The following GPM6A variants were observed in gnomAD, a reference collection of about 807,000 sequenced individuals.
The protein encoded by GPM6A is neuronal membrane glycoprotein M6-a.
A neutral mutation model predicts 32.1 loss-of-function variants in GPM6A; 7 were observed. The ratio of observed to expected loss-of-function variants is 0.22; its 90% CI spans 0.12 to 0.41. The LOEUF (loss-of-function observed/expected upper bound fraction) is 0.41. GPM6A is among the 10% of genes least tolerant of loss of function. The probability of loss-of-function intolerance (pLI) is 1.00; values close to 1 mark genes in which losing one functional copy is unlikely to be tolerated. For missense variants in GPM6A, 235 were observed against 347.2 expected (o/e 0.68, Z 2.57); for synonymous variants, 130 against 123.4 (o/e 1.05, Z -0.35).
chr4:175,810,884 G>C (rs1734891555), intron 1 of GPM6A, among the ~76,000 whole-genome samples: 3 of 151,948 alleles, frequency 2.0e-5, no homozygotes, highest in Non-Finnish European at 4.4e-5. Flanking sequence ...AGGGAGCTGA[G>C]GTTTTTTAAT....
chr4:175,998,020 T>G (rs1330087732), intron 1 of GPM6A, among the ~76,000 whole-genome samples: 1 of 152,180 alleles, frequency 6.6e-6, no homozygotes, highest in Non-Finnish European at 1.5e-5. Context: ...ATTTCATGGG[T>G]TTTCCTCTCA....
chr4:176,001,153 C>A (rs777558205), intron 1 of GPM6A, among the ~76,000 whole-genome samples: 1 of 152,184 alleles, frequency 6.6e-6, no homozygotes, highest in African/African-American at 2.4e-5. Flanking sequence ...ATCCCCTAAC[C>A]CTTGAGCCTG....
chr4:175,701,446 T>C, intron 2 of GPM6A, 129 bp downstream of exon 2: 3 of 674,536 alleles, frequency 4.4e-6, no homozygotes, highest in Non-Finnish European at 7.8e-6. Flanking sequence ...CCCTTTTGAA[T>C]CAGGTATACC....
chr4:175,999,517 G>T (rs1308381258), intron 1 of GPM6A, among the ~76,000 whole-genome samples: 2 of 147,612 alleles, frequency 1.4e-5, no homozygotes, highest in African/African-American at 2.5e-5. Flanking sequence ...TGCCTACTTT[G>T]CAAATAACTT....
intron 1 of GPM6A, among the ~76,000 whole-genome samples, chr4:175,966,142 T>A (rs1001089038): frequency 6.6e-6 from 1 of 152,070 alleles, no homozygotes; most frequent in African/African-American, 2.4e-5. Context: ...TGCAGTGGCT[T>A]ATGCCTGTAA....
intron 1 of GPM6A, among the ~76,000 whole-genome samples, chr4:175,995,898 C>T (rs930451163): frequency 6.8e-6 from 1 of 146,750 alleles, no homozygotes; most frequent in East Asian, 1.9e-4. Context: ...CTGGTTATGT[C>T]GTTCATACAG....
intron 1 of GPM6A, among the ~76,000 whole-genome samples, chr4:175,980,627 T>C (rs1740792209): frequency 6.6e-6 from 1 of 152,224 alleles, no homozygotes. Flanking sequence ...TATAATAATA[T>C]TTGTTTCCAA....
chr4:175,800,281 T>TAG (rs1319023806), intron 1 of GPM6A, among the ~76,000 whole-genome samples: 1 of 152,200 alleles, frequency 6.6e-6, no homozygotes, highest in Non-Finnish European at 1.5e-5. Context: ...CAAAATTATA[T>TAG]AGCATATACC....
chr4:175,896,078 A>G (rs2111483401), intron 1 of GPM6A, among the ~76,000 whole-genome samples: 1 of 152,320 alleles, frequency 6.6e-6, no homozygotes, highest in South Asian at 2.1e-4. Context: ...ACATATTATT[A>G]CTTTTGCAAA....
At chr4:175,879,386 T>C (rs1737194270) in intron 1 of GPM6A, among the ~76,000 whole-genome samples, 3 of 152,154 alleles carry the variant, frequency 2.0e-5, no homozygotes, top group South Asian at 4.1e-4. Context: ...GTGTAATTTA[T>C]AAATAACAGA....
chr4:175,659,498 T>C (rs1742277752), intron 3 of GPM6A, among the ~76,000 whole-genome samples: 1 of 152,214 alleles, frequency 6.6e-6, no homozygotes, highest in Non-Finnish European at 1.5e-5. Flanking sequence ...CAATGTCCTT[T>C]TTTAAAAATA....
chr4:175,946,058 T>C (rs1302174483), intron 1 of GPM6A, among the ~76,000 whole-genome samples: 1 of 152,120 alleles, frequency 6.6e-6, no homozygotes, highest in Non-Finnish European at 1.5e-5. Flanking sequence ...CTAGTTACAT[T>C]AGAAGCCCAG....
rs763936911 is a variant in GPM6A, at chr4:175,634,858, G to A, written c.*47C>T. On this transcript the variant is annotated 3_prime_UTR_variant, in exon 7 of 7. Transcript: ENST00000393658. ...AGGTTGGATGGTTGGATGGCCCTTA[G>A]TTAAACACCAATGCATTCAAATGGT... is the stretch of plus-strand genomic sequence containing the variant. 3 of 1,552,126 alleles carry A rather than the reference G, an allele frequency of 1.9e-6. No homozygotes were observed. The highest frequency in any genetic ancestry group is 2.2e-5 in the East Asian group (1 of 44,480).
intron 3 of GPM6A, among the ~76,000 whole-genome samples, chr4:175,671,474 AACG>A (rs1743056973): frequency 7.9e-6 from 1 of 126,948 alleles, no homozygotes; most frequent in African/African-American, 2.8e-5. Flanking sequence ...TCTGCCTACA[AACG>A]AAAAAAAAAA....
chr4:175,943,314 T>C (rs895381033), intron 1 of GPM6A, among the ~76,000 whole-genome samples: 1 of 152,228 alleles, frequency 6.6e-6, no homozygotes, highest in African/African-American at 2.4e-5. Context: ...TATGCAATCA[T>C]GTCATCTGCA....
intron 1 of GPM6A, among the ~76,000 whole-genome samples, chr4:175,934,855 A>G (rs986503986): frequency 1.3e-5 from 2 of 152,178 alleles, no homozygotes; most frequent in African/African-American, 4.8e-5. Context: ...TTGAAAGTGT[A>G]GCCCCATTTT....
intron 2 of GPM6A, among the ~76,000 whole-genome samples, chr4:175,687,526 T>C (rs1336392513): frequency 6.6e-6 from 1 of 151,984 alleles, no homozygotes; most frequent in African/African-American, 2.4e-5. Context: ...TGTGGCCAAA[T>C]AAGATTACAC....
intron 1 of GPM6A, among the ~76,000 whole-genome samples, chr4:175,876,552 T>C (rs985115099): frequency 6.6e-6 from 1 of 152,190 alleles, no homozygotes; most frequent in Admixed American, 6.6e-5. Flanking sequence ...TTGAGTTCCA[T>C]GGTAACCGCA....
intron 1 of GPM6A, among the ~76,000 whole-genome samples, chr4:175,901,642 CTTTT>C (rs59429547): frequency 8.4e-6 from 1 of 119,478 alleles, no homozygotes; most frequent in Non-Finnish European, 1.8e-5. Context: ...TTTTTTTTTC[CTTTT>C]TTTTTTTTTT....
Sources: allele counts gnomAD v4.1 joint callset (sites outside exome capture counted in the v4.1 genomes callset), GRCh38; gene constraint gnomAD v4.1.1; transcripts MANE v1.5; gene names NCBI Gene and HGNC (gene_info 2026-07-23, HGNC 2026-07-21).